FAM13B: variants seen among roughly 807,000 people sequenced by gnomAD.
The protein encoded by FAM13B is protein FAM13B.
Under a neutral mutation model 117.3 loss-of-function variants are expected in FAM13B, and 60 were observed. The observed-to-expected ratio is 0.51, with a 90% confidence interval of 0.42 to 0.63. The LOEUF is 0.63. Among genes scored for constraint, FAM13B ranks in the 30% least tolerant of loss-of-function variants. FAM13B has a pLI of 0.00. For synonymous variants in FAM13B, 332 were observed against 356.1 expected, an observed-to-expected ratio of 0.93 and a Z score of 0.76; for missense variants, 972 against 1,091.9, an observed-to-expected ratio of 0.89 and a Z score of 1.55.
At chr5:138,015,093 C>G (rs887839246) in intron 4 of FAM13B, among the ~76,000 whole-genome samples, 1 of 152,206 alleles carries the variant, frequency 6.6e-6, no homozygotes, top group Non-Finnish European at 1.5e-5. Context: ...TTGTCAACAT[C>G]TGACAATGAA....
In FAM13B at chr5:138,007,574, G is replaced by A. The variant is rs182684074; in HGVS notation, c.691-427C>T. On this transcript the variant is annotated intron_variant, in intron 6 of 23. Transcript: ENST00000689681. ...ATATAGTAAGTGTGAAAAAAGAAGC[G>A]CAAAAAAAATGTTGCCTTAAGATGT... 3.1e-4 allele frequency among the ~76,000 whole-genome samples: 47 copies of A among 152,062 alleles called. No individual in the cohort carries two copies. In the East Asian group the frequency reaches 5.0e-3, roughly 16 times the overall value.
intron 6 of FAM13B, 53 bp downstream of exon 6, chr5:138,010,955 C>CT: frequency 7.5e-6 from 5 of 669,568 alleles, no homozygotes; most frequent in Non-Finnish European, 1.0e-5. Flanking sequence ...GCATATTATT[C>CT]TTAAAAAAAA....
At chr5:138,033,548 C>G (rs1278332594), upstream of FAM13B, among the ~76,000 whole-genome samples, 3 of 152,312 alleles carry the variant, frequency 2.0e-5, no homozygotes, top group South Asian at 2.1e-4. Flanking sequence ...TGCCCGCCCC[C>G]ACCCTACCCC....
intron 1 of FAM13B, among the ~76,000 whole-genome samples, chr5:138,030,158 G>T (rs1271952079): frequency 6.6e-6 from 1 of 152,048 alleles, no homozygotes; most frequent in Non-Finnish European, 1.5e-5. Flanking sequence ...TCCTTGGAGA[G>T]GCTTTCTTCA....
intron 7 of FAM13B, among the ~76,000 whole-genome samples, chr5:137,991,697 A>G (rs1263358503): frequency 6.6e-6 from 1 of 152,242 alleles, no homozygotes; most frequent in African/African-American, 2.4e-5. Context: ...GTTTTAAAAA[A>G]TGAATGAGAT....
In FAM13B at chr5:137,939,337, T is replaced by C. The variant is rs1316251133; in HGVS notation, c.*888A>G. On this transcript the variant is annotated 3_prime_UTR_variant, in exon 24 of 24. Transcript: ENST00000689681. Reference sequence around the variant, plus strand: ...TATTTTGCTGATTTAAGCCCATTGATTGAACACACAAATCTGAGCACCATC... The same window carrying C: ...TATTTTGCTGATTTAAGCCCATTGACTGAACACACAAATCTGAGCACCATC... The C allele has an allele frequency of 6.6e-6, 1 of 152,664 alleles. No homozygotes were observed. The highest frequency in any genetic ancestry group is 2.4e-5 in the African/African-American group (1 of 41,446). 9.5% of individuals were successfully genotyped at this position (152,664 alleles called of 1,614,324 possible).
intron 17 of FAM13B, 55 bp downstream of exon 17, chr5:137,952,570 CATT>C (rs1561740040): frequency 3.8e-6 from 4 of 1,046,600 alleles, no homozygotes; most frequent in South Asian, 1.5e-5. Flanking sequence ...GATTCTCAGA[CATT>C]AATATAAAAA....
intron 1 of FAM13B, among the ~76,000 whole-genome samples, chr5:138,024,794 TACAC>T (rs1364313823): frequency 2.2e-5 from 3 of 135,840 alleles, no homozygotes; most frequent in South Asian, 2.4e-4. Context: ...GCAAAATTTA[TACAC>T]ACACACACAC....
At chr5:138,050,180 G>A (rs908881488) in intron 1 of FAM13B, among the ~76,000 whole-genome samples, 5 of 152,124 alleles carry the variant, frequency 3.3e-5, no homozygotes, top group African/African-American at 1.2e-4. Context: ...GCTCATGCCT[G>A]TAATCCTAGC....
chr5:138,010,013 C>G (rs921797127), intron 6 of FAM13B, among the ~76,000 whole-genome samples: 3 of 152,044 alleles, frequency 2.0e-5, no homozygotes, highest in Admixed American at 2.0e-4. Flanking sequence ...TGGAGTCTTG[C>G]TCTGTCGGTC....
intron 18 of FAM13B, among the ~76,000 whole-genome samples, chr5:137,948,650 C>G (rs1764083517): frequency 6.6e-6 from 1 of 152,164 alleles, no homozygotes; most frequent in South Asian, 2.1e-4. Flanking sequence ...CTGCCTCGAC[C>G]TCTGAAATTG....
At chr5:137,944,650 T>G (rs1003917532) in intron 20 of FAM13B, among the ~76,000 whole-genome samples, 12 of 151,748 alleles carry the variant, frequency 7.9e-5, no homozygotes, top group African/African-American at 2.9e-4. Flanking sequence ...TCCCAGCTAC[T>G]TGGGAGGCTG....
Position 138,018,969 on chromosome 5 carries a change from T to C in FAM13B, c.143A>G (p.Tyr48Cys), listed in dbSNP as rs1581265313. ...VPFIVRHVVDYIEEHGGLEQQ... is the reference protein window; with the variant it reads ...VPFIVRHVVDCIEEHGGLEQQ... ...GAAATGTATACCATGTTCCTCAATATAGTCCACAACGTGGCGGACTATGAA... is the reference window on the plus strand; with the variant it reads ...GAAATGTATACCATGTTCCTCAATACAGTCCACAACGTGGCGGACTATGAA... Residue 48 changes from tyrosine (Y) to cysteine (C), a missense_variant, in exon 3 of 24, where the codon TAT becomes TGT. Transcript: ENST00000689681. 1 of 1,613,950 alleles carries C rather than the reference T, an allele frequency of 6.2e-7. No homozygotes were observed. The highest frequency in any genetic ancestry group is 1.7e-5 in the Admixed American group (1 of 60,016).
intron 15 of FAM13B, 60 bp downstream of exon 15, chr5:137,954,106 C>T: frequency 4.8e-6 from 5 of 1,031,690 alleles, no homozygotes; most frequent in South Asian, 3.3e-5. Context: ...GACTAAATCT[C>T]TCAAAAGACT....
At chr5:138,012,788 A>T (rs1784367907) in intron 4 of FAM13B, among the ~76,000 whole-genome samples, 1 of 152,164 alleles carries the variant, frequency 6.6e-6, no homozygotes, top group Non-Finnish European at 1.5e-5. Flanking sequence ...GGTTCTTAAA[A>T]TTATTTTACT....
In FAM13B at chr5:137,946,279, TTTCTC is replaced by T; in HGVS notation, c.2188_2192del (p.Glu730SerfsTer11). ...AAAGAAGACTTTTCTGAAGAGAAGC[TTTCTC>T]TTCTACCAAATGATCTTTGGTCATT... On this transcript the variant is annotated frameshift_variant, in exon 19 of 24. Coordinates refer to ENST00000689681, the MANE Select transcript of FAM13B (RefSeq NM_001385994.1). LOFTEE classifies it high-confidence loss of function. The T allele has an allele frequency of 6.3e-7, 1 of 1,587,294 alleles. No individual in the cohort carries two copies. The highest frequency in any genetic ancestry group is 8.5e-7 in the Non-Finnish European group (1 of 1,171,746).
chr5:138,011,232 T>C, intron 5 of FAM13B, 83 bp from the exon 6 acceptor site: 2 of 1,259,256 alleles, frequency 1.6e-6, no homozygotes, highest in Non-Finnish European at 1.1e-6. Context: ...AGATACTTTA[T>C]GAACATGGGC....
At chr5:138,025,180 A>C (rs891649002) in intron 1 of FAM13B, among the ~76,000 whole-genome samples, 3 of 151,818 alleles carry the variant, frequency 2.0e-5, no homozygotes, top group African/African-American at 7.3e-5. Context: ...ATTATTTTAA[A>C]TACAAGTGAC....
At chr5:138,017,837 C>G (rs1785644902) in intron 4 of FAM13B, among the ~76,000 whole-genome samples, 1 of 152,128 alleles carries the variant, frequency 6.6e-6, no homozygotes, top group African/African-American at 2.4e-5. Context: ...TGTTCAAGAA[C>G]AAGTTTTAGG....
Sources: allele counts gnomAD v4.1 joint callset (sites outside exome capture counted in the v4.1 genomes callset), GRCh38; gene constraint gnomAD v4.1.1; transcripts MANE v1.5; gene names NCBI Gene and HGNC (gene_info 2026-07-23, HGNC 2026-07-21).